The following MAGI1 variants were observed in gnomAD, a reference collection of about 807,000 sequenced individuals.
The protein encoded by MAGI1 is membrane associated guanylate kinase, WW and PDZ domain containing 1.
In MAGI1, 58 loss-of-function variants were observed where a neutral mutation model predicts 139.9. The observed-to-expected ratio is 0.41, with a 90% CI of 0.34 to 0.52. The LOEUF (loss-of-function observed/expected upper bound fraction) is 0.52. Ranked by LOEUF, MAGI1 falls within the 20% of genes least tolerant of loss-of-function variation. MAGI1 has a pLI of 0.12. For synonymous variants in MAGI1, 812 were observed against 737.9 expected (o/e 1.10, Z -1.63); for missense variants, 1,874 against 1,901.6 (o/e 0.99, Z 0.27).
chr3:65,440,141 A>C (rs1948173156), intron 8 of MAGI1, 129 bp from the exon 9 acceptor site: 1 of 1,008,416 alleles, frequency 9.9e-7, no homozygotes, highest in Admixed American at 2.1e-5. Context: ...TCGTGTGTTA[A>C]AATGCTCAGT....
At chr3:65,983,106 G>T (rs1201958291) in intron 1 of MAGI1, among the ~76,000 whole-genome samples, 1 of 151,984 alleles carries the variant, frequency 6.6e-6, no homozygotes, top group African/African-American at 2.4e-5. Context: ...TTGTTGAAAT[G>T]GGGTCTTGCT....
intron 2 of MAGI1, among the ~76,000 whole-genome samples, chr3:65,617,699 C>G (rs146363385): frequency 6.6e-6 from 1 of 152,080 alleles, no homozygotes; most frequent in Non-Finnish European, 1.5e-5. Context: ...CTCTGACCTT[C>G]CTTATATTCT....
chr3:65,979,088 T>TCCCCCCCCCCCCCCC (rs200894076), intron 1 of MAGI1, among the ~76,000 whole-genome samples: 28 of 52,984 alleles, frequency 5.3e-4, no homozygotes, highest in African/African-American at 7.6e-4. Context: ...TTTCTTTTCT[T>TCCCCCCCCCCCCCCC]CCCCCCCCCC....
chr3:65,768,124 A>G (rs1205976871), intron 1 of MAGI1, among the ~76,000 whole-genome samples: 2 of 152,204 alleles, frequency 1.3e-5, no homozygotes, highest in African/African-American at 2.4e-5. Context: ...GTTGCTTAAA[A>G]AATTACTTAA....
At chr3:65,816,426 C>G (rs6763491) in intron 1 of MAGI1, among the ~76,000 whole-genome samples, 2,640 of 152,224 alleles carry the variant, frequency 0.017, 74 homozygotes, top group African/African-American at 0.059. Flanking sequence ...TAAATAGCCA[C>G]ATGGGGTAGT....
intron 1 of MAGI1, among the ~76,000 whole-genome samples, chr3:65,891,397 T>G (rs1474088632): frequency 6.6e-6 from 1 of 152,096 alleles, no homozygotes; most frequent in Non-Finnish European, 1.5e-5. Context: ...CACCCATCAC[T>G]GACCAATCAC....
At chr3:65,983,547 C>A (rs1175418625) in intron 1 of MAGI1, among the ~76,000 whole-genome samples, 3 of 152,152 alleles carry the variant, frequency 2.0e-5, no homozygotes, top group Non-Finnish European at 4.4e-5. Flanking sequence ...GTGCTCTTCT[C>A]CAAATACAGT....
chr3:65,580,635 T>C (rs2081374236), intron 2 of MAGI1, among the ~76,000 whole-genome samples: 3 of 152,174 alleles, frequency 2.0e-5, no homozygotes, highest in African/African-American at 4.8e-5. Context: ...AAAGTAAATA[T>C]ATCTTTCTAC....
intron 8 of MAGI1, among the ~76,000 whole-genome samples, chr3:65,442,482 C>CTCATTCAT (rs59209688): frequency 0.015 from 2,258 of 151,078 alleles, 45 homozygotes; most frequent in Non-Finnish European, 0.021. Context: ...CCTGGCTTTT[C>CTCATTCAT]TCATTCATTC....
In MAGI1 at chr3:66,038,388, G is replaced by T. The variant is rs1392377988; in HGVS notation, c.-80C>A. ...AGCACGAGCCCCCAAGCCTCCGCTT[G>T]TTCATGGGAGAAACATCTCTCCCCA... is the stretch of plus-strand genomic sequence containing the variant. On this transcript the variant is annotated 5_prime_UTR_variant, in exon 1 of 23. Coordinates refer to ENST00000402939, the MANE Select transcript of MAGI1 (RefSeq NM_001033057.2). The T allele has an allele frequency of 2.3e-5, 34 of 1,489,546 alleles. No homozygotes were observed. Among genetic ancestry groups the T allele is most frequent in the Non-Finnish European group, 2.9e-5 (33 of 1,125,440 alleles). The allele number at this position is 1,489,546 out of a possible 1,614,324, so 92.3% of individuals were successfully genotyped here. A position where few individuals can be genotyped will look rare whatever the true frequency, so the allele number is the denominator to read the frequency against.
chr3:65,387,073 C>T lies in MAGI1; in HGVS notation c.2417-3450G>A, dbSNP rs1943504935. On this transcript the variant is annotated intron_variant, in intron 14 of 22. Transcript: ENST00000402939. ...TCTTTTCTGAACTTCTCCCCAGGCCCCCAGACCAATGAGAACATCAAACAA... is the reference window on the plus strand; with the variant it reads ...TCTTTTCTGAACTTCTCCCCAGGCCTCCAGACCAATGAGAACATCAAACAA... The T allele has an allele frequency of 1.4e-5, 20 of 1,386,992 alleles. No individual in the cohort carries two copies. The South Asian group carries it at 2.1e-4, about 15-fold the overall frequency. 85.9% of individuals were successfully genotyped at this position (1,386,992 alleles called of 1,614,324 possible). A position where few individuals can be genotyped will look rare whatever the true frequency, so the allele number is the denominator to read the frequency against.
At chr3:65,483,844 G>C (rs893673929) in intron 3 of MAGI1, among the ~76,000 whole-genome samples, 11 of 152,256 alleles carry the variant, frequency 7.2e-5, no homozygotes, top group African/African-American at 2.4e-4. Flanking sequence ...CAAAGCCAAA[G>C]AAAATATTTT....
chr3:65,923,370 C>T (rs921024076), intron 1 of MAGI1, among the ~76,000 whole-genome samples: 2 of 151,928 alleles, frequency 1.3e-5, no homozygotes, highest in Admixed American at 1.3e-4. Flanking sequence ...GGACTACAGG[C>T]GCGCACCACC....
intron 1 of MAGI1, among the ~76,000 whole-genome samples, chr3:65,856,431 T>C (rs2059380866): frequency 6.6e-6 from 1 of 151,688 alleles, no homozygotes; most frequent in Admixed American, 6.6e-5. Flanking sequence ...ACACTCAATG[T>C]CCTACTCAAT....
At chr3:65,778,486 G>A (rs2038665278) in intron 1 of MAGI1, among the ~76,000 whole-genome samples, 1 of 151,246 alleles carries the variant, frequency 6.6e-6, no homozygotes, top group African/African-American at 2.4e-5. Context: ...AGGGTTCAAA[G>A]GGAAGATAAC....
chr3:65,863,959 G>A (rs2059636488), intron 1 of MAGI1, among the ~76,000 whole-genome samples: 1 of 152,024 alleles, frequency 6.6e-6, no homozygotes, highest in East Asian at 1.9e-4. Context: ...CCTTCACATT[G>A]ATTTGGTATA....
Position 65,807,282 on chromosome 3 carries a change from T to A in MAGI1, c.314-185194A>T, listed in dbSNP as rs528477251. Among the ~76,000 whole-genome samples the A allele has an allele frequency of 3.9e-5, 6 of 152,314 alleles. No individual in the cohort carries two copies. In the East Asian group the frequency reaches 1.2e-3, roughly 29 times the overall value. On this transcript the variant is annotated intron_variant, in intron 1 of 22. Transcript: ENST00000402939. ...GATCAACATTCCAGCAGATGTGGTGTCTGGCAAGGACTTCATCTCTGCTTT... is the reference window on the plus strand; with the variant it reads ...GATCAACATTCCAGCAGATGTGGTGACTGGCAAGGACTTCATCTCTGCTTT...
chr3:65,940,763 C>T (rs565028587), intron 1 of MAGI1, among the ~76,000 whole-genome samples: 1 of 152,214 alleles, frequency 6.6e-6, no homozygotes, highest in Admixed American at 6.5e-5. Flanking sequence ...AACCAAAGTG[C>T]GTATCAGACT....
chr3:65,629,806 T>C (rs2084186257), intron 1 of MAGI1, among the ~76,000 whole-genome samples: 1 of 152,168 alleles, frequency 6.6e-6, no homozygotes, highest in Non-Finnish European at 1.5e-5. Flanking sequence ...TACCCTTTAA[T>C]GGGTGCGGAG....
Sources: gnomAD v4.1 joint callset for allele counts (sites outside exome capture counted in the v4.1 genomes callset) on GRCh38, gnomAD v4.1.1 for gene constraint, MANE v1.5 for transcripts, NCBI Gene and HGNC (gene_info 2026-07-23, HGNC 2026-07-21) for gene names.